Variants in ACP6 observed in about 807,000 individuals in gnomAD.
ACP6 encodes lysophosphatidic acid phosphatase type 6.
ACP6 carries 48 observed loss-of-function variants against 48.1 expected under a neutral mutation model. The observed-to-expected ratio is 1.00, with a 90% CI of 0.79 to 1.27. The LOEUF is 1.27. ACP6 is among the 50% of genes most tolerant of loss of function. The pLI, the probability that ACP6 is intolerant of heterozygous loss-of-function variation, is 0.00. For synonymous variants in ACP6, 172 were observed against 204.2 expected, an observed-to-expected ratio of 0.84 and a Z score of 1.34; for missense variants, 485 against 529.1, an observed-to-expected ratio of 0.92 and a Z score of 0.82.
At chr1:147,652,651 G>C in intron 6 of ACP6, 102 bp from the exon 7 acceptor site, 2 of 1,604,652 alleles carry the variant, frequency 1.2e-6, no homozygotes, top group Non-Finnish European at 1.7e-6. Flanking sequence ...TCTTCTCCTG[G>C]GGAAGAGAAG....
rs587613613 is a variant in ACP6, at chr1:147,657,578, G to C, written c.559+1382C>G. On this transcript the variant is annotated intron_variant, in intron 4 of 9. Coordinates refer to ENST00000583509, the MANE Select transcript of ACP6 (RefSeq NM_016361.5). Reference sequence around the variant, plus strand: ...TGGGATTACAGGCGCCCACCACCACGCCTGGCTAATTTTTGTATTTTTAGT... The same window carrying C: ...TGGGATTACAGGCGCCCACCACCACCCCTGGCTAATTTTTGTATTTTTAGT... Among the ~76,000 whole-genome samples the C allele has an allele frequency of 2.0e-5, 3 of 152,128 alleles. No homozygotes were observed. The South Asian group carries it at 6.2e-4, about 32-fold the overall frequency.
chr1:147,653,589 T>C (rs782172004), intron 6 of ACP6, among the ~76,000 whole-genome samples: 1 of 152,230 alleles, frequency 6.6e-6, no homozygotes, highest in Non-Finnish European at 1.5e-5. Context: ...ATTTTACACA[T>C]AAAAGCAAGG....
At chr1:147,652,633 G>A in intron 6 of ACP6, 84 bp from the exon 7 acceptor site, 1 of 1,608,282 alleles carries the variant, frequency 6.2e-7, no homozygotes, top group Non-Finnish European at 8.5e-7. Context: ...GGAACCTGCA[G>A]GAGCCCATCT....
chr1:147,662,630 A>C (rs1290153773), intron 1 of ACP6, among the ~76,000 whole-genome samples: 1 of 152,254 alleles, frequency 6.6e-6, no homozygotes, highest in African/African-American at 2.4e-5. Context: ...ACTTGAATGC[A>C]TGAGAAGTTA....
At chr1:147,654,900 C>T (rs1055085302) in intron 5 of ACP6, among the ~76,000 whole-genome samples, 6 of 152,222 alleles carry the variant, frequency 3.9e-5, no homozygotes, top group African/African-American at 2.4e-5. Context: ...AAGGCCCACT[C>T]GTGGCTGTAT....
chr1:147,657,666 G>A (rs1490861674), intron 4 of ACP6, among the ~76,000 whole-genome samples: 6 of 152,106 alleles, frequency 3.9e-5, no homozygotes, highest in Middle Eastern at 3.4e-3. Flanking sequence ...TGATCCACCC[G>A]CCTCAGCCTC....
At chr1:147,658,109 T>C (rs587593974) in intron 4 of ACP6, among the ~76,000 whole-genome samples, 1 of 152,332 alleles carries the variant, frequency 6.6e-6, no homozygotes, top group African/African-American at 2.4e-5. Context: ...GTACTGTTTG[T>C]GTGCAGCAGC....
Position 147,650,140 on chromosome 1 carries a change from TAC to T in ACP6, c.977+1_977+2del. 1 of 1,605,778 alleles carries T rather than the reference TAC, an allele frequency of 6.2e-7. No homozygotes were observed. Among genetic ancestry groups the T allele is most frequent in the East Asian group, 2.3e-5 (1 of 44,078 alleles). On this transcript the variant is annotated splice_donor_variant, in intron 8 of 9. Coordinates refer to ENST00000583509, the MANE Select transcript of ACP6 (RefSeq NM_016361.5). LOFTEE classifies it high-confidence loss of function. ...CACAAAGCAGAGTTGCTGTGCCAGG[TAC>T]CTGATCTTGTCGGGGGCAGTGGCAG... is the stretch of plus-strand genomic sequence containing the variant.
downstream of ACP6, among the ~76,000 whole-genome samples, chr1:147,640,155 C>A (rs1659410534): frequency 6.6e-6 from 1 of 152,108 alleles, no homozygotes; most frequent in Non-Finnish European, 1.5e-5. Flanking sequence ...CCTCCCCTAA[C>A]CCCAGCAGAT....
Position 147,652,535 on chromosome 1 carries a change from T to C in ACP6, c.795A>G (p.Pro265=), listed in dbSNP as rs1281268138. The change falls in exon 7 of 10, where the codon CCA becomes CCG. Residue 265 remains proline, a synonymous_variant. Transcript: ENST00000583509. ...NVAAEQAHNL[P]SCPMLKRFAR... ...CAAATCTCTTCAGCATGGGGCAGCT[T>C]GGGAGGTTGTGTGCCTGAAAGGGCC... 1.2e-6 allele frequency: 2 copies of C among 1,613,932 alleles called. No individual in the cohort carries two copies. Among genetic ancestry groups the C allele is most frequent in the Middle Eastern group, 1.6e-4 (1 of 6,082 alleles).
chr1:147,648,091 G>T, intron 9 of ACP6, 155 bp downstream of exon 9: 1 of 803,118 alleles, frequency 1.2e-6, no homozygotes. Flanking sequence ...TGACCCCTGG[G>T]CCATAGCCAG....
At chr1:147,637,346 T>A (rs1270150424), downstream of ACP6, among the ~76,000 whole-genome samples, 5 of 152,216 alleles carry the variant, frequency 3.3e-5, no homozygotes, top group African/African-American at 1.2e-4. Flanking sequence ...CAGCTCTGAT[T>A]ATTTCAAAGG....
chr1:147,634,104 G>T (rs1163366988), intron 5 of ACP6, among the ~76,000 whole-genome samples: 2 of 152,148 alleles, frequency 1.3e-5, no homozygotes, highest in African/African-American at 4.8e-5. Context: ...TTCCCACTAA[G>T]AATGTACAAG....
chr1:147,636,198 C>T (rs1175128761), intron 5 of ACP6, among the ~76,000 whole-genome samples: 1 of 152,134 alleles, frequency 6.6e-6, no homozygotes, highest in Non-Finnish European at 1.5e-5. Context: ...CTGAGTTATA[C>T]ATGCTCAGTA....
rs1659489037 is a variant in ACP6, at chr1:147,642,621, G to A, written c.*4802C>T. 1 of 152,156 alleles carries A rather than the reference G, an allele frequency of 6.6e-6. No individual in the cohort carries two copies. 9.4% of individuals were successfully genotyped at this position (152,156 alleles called of 1,614,324 possible). On this transcript the variant is annotated 3_prime_UTR_variant, in exon 10 of 10. Coordinates refer to ENST00000583509, the MANE Select transcript of ACP6 (RefSeq NM_016361.5). ...GGAAGCCACTGTGGTAACCTAGGAG[G>A]GTGGCCTTGGGCCCCGGAGAGAAGT...
chr1:147,669,706 C>T, intron 1 of ACP6, 124 bp downstream of exon 1: 1 of 1,058,382 alleles, frequency 9.4e-7, no homozygotes, highest in Non-Finnish European at 1.3e-6. Flanking sequence ...GTTTTCCCTT[C>T]TTCTGGACCC....
At chr1:147,632,138 G>A (rs1659183043) in intron 5 of ACP6, among the ~76,000 whole-genome samples, 1 of 150,926 alleles carries the variant, frequency 6.6e-6, no homozygotes, top group Non-Finnish European at 1.5e-5. Flanking sequence ...CAGCTTATTT[G>A]TCATCTCCTC....
chr1:147,661,033 C>A (rs587715587), intron 1 of ACP6, among the ~76,000 whole-genome samples: 26 of 152,356 alleles, frequency 1.7e-4, no homozygotes, highest in Non-Finnish European at 2.8e-4. Context: ...ATTTTTCCAA[C>A]AGCATGTGCT....
chr1:147,650,233 C>T lies in ACP6; in HGVS notation c.887G>A (p.Ser296Asn). The T allele has an allele frequency of 6.3e-7, 1 of 1,597,878 alleles. No homozygotes were observed. The highest frequency in any genetic ancestry group is 1.1e-5 in the South Asian group (1 of 88,386). ...GAATGGGCCTACTGCCATCTGAAGA[C>T]TTTCCCTGTGAAAAGTGAACAACAT... The part of the protein sequence containing the change: ...LYILPKEDRE[S>N]LQMAVGPFLH... Residue 296 changes from serine (S) to asparagine (N), a missense_variant, in exon 8 of 10, where the codon AGT becomes AAT. Coordinates refer to ENST00000583509, the MANE Select transcript of ACP6 (RefSeq NM_016361.5).
Sources: gnomAD v4.1 joint callset for allele counts (sites outside exome capture counted in the v4.1 genomes callset) on GRCh38, gnomAD v4.1.1 for gene constraint, MANE v1.5 for transcripts, NCBI Gene and HGNC (gene_info 2026-07-23, HGNC 2026-07-21) for gene names.